The following REC114 variants were observed in gnomAD, a reference collection of about 807,000 sequenced individuals.
The protein encoded by REC114 is meiotic recombination protein REC114.
A neutral mutation model predicts 31.3 loss-of-function variants in REC114; 27 were observed. The observed-to-expected ratio is 0.86, with a 90% CI of 0.64 to 1.19. The LOEUF is 1.19. Ranked by LOEUF, REC114 falls within the 50% of genes most tolerant of loss-of-function variation. The probability of loss-of-function intolerance (pLI) is 0.00; values close to 1 mark genes in which losing one functional copy is unlikely to be tolerated. For synonymous variants in REC114, 134 were observed against 127.7 expected (o/e 1.05, Z -0.33); for missense variants, 344 against 326.9 (o/e 1.05, Z -0.40).
chr15:73,447,637 G>C (rs1330131732), intron 1 of REC114, among the ~76,000 whole-genome samples: 1 of 145,208 alleles, frequency 6.9e-6, no homozygotes, highest in Non-Finnish European at 1.5e-5. Flanking sequence ...AACAGAGTGA[G>C]ACTCTGTCTC....
At chr15:73,463,274 T>G (rs1893015448) in intron 1 of REC114, among the ~76,000 whole-genome samples, 1 of 152,208 alleles carries the variant, frequency 6.6e-6, no homozygotes, top group African/African-American at 2.4e-5. Context: ...TTTCTCAGTC[T>G]GGATTTTGCT....
chr15:73,522,079 A>T (rs1192395927), intron 2 of REC114, among the ~76,000 whole-genome samples: 1 of 150,030 alleles, frequency 6.7e-6, no homozygotes, highest in African/African-American at 2.5e-5. Context: ...TCATTTTGAT[A>T]TGAATTTTTA....
At chr15:73,534,302 AAG>A (rs899954973) in intron 2 of REC114, among the ~76,000 whole-genome samples, 5 of 152,218 alleles carry the variant, frequency 3.3e-5, no homozygotes, top group Non-Finnish European at 7.3e-5. Context: ...CTAATAAAAA[AAG>A]AGAGAAGAAT....
At chr15:73,520,767 C>G (rs1163247483) in intron 2 of REC114, among the ~76,000 whole-genome samples, 1 of 152,150 alleles carries the variant, frequency 6.6e-6, no homozygotes, top group Admixed American at 6.6e-5. Context: ...CAGTAACTAT[C>G]TTTTAAAAGA....
chr15:73,454,899 C>T (rs1874543951), intron 1 of REC114, among the ~76,000 whole-genome samples: 1 of 152,130 alleles, frequency 6.6e-6, no homozygotes, highest in Admixed American at 6.5e-5. Context: ...ATTGTTATTA[C>T]AATTTTTTTA....
chr15:73,478,249 G>A (rs1567861350), intron 2 of REC114, among the ~76,000 whole-genome samples: 2 of 123,594 alleles, frequency 1.6e-5, no homozygotes, highest in South Asian at 2.9e-4. Flanking sequence ...CAGTGACAGA[G>A]TGAGACTCTG....
At position 73,557,314 on chromosome 15, in the gene REC114, C is replaced by G. The variant is rs1182287108; in HGVS notation, c.636+923C>G. Among the ~76,000 whole-genome samples, 9 of 151,560 alleles carry G rather than the reference C, an allele frequency of 5.9e-5. No individual in the cohort carries two copies. In the East Asian group the frequency reaches 1.2e-3, roughly 20 times the overall value. On this transcript the variant is annotated intron_variant, in intron 5 of 5. Transcript: ENST00000331090. ...TGAACCCCAGACCTCAAGTGATTCC[C>G]CCACCTTGGGCTCCCAAATTGCTAG...
intron 2 of REC114, among the ~76,000 whole-genome samples, chr15:73,513,326 T>A (rs1039671980): frequency 2.0e-5 from 3 of 151,668 alleles, no homozygotes; most frequent in Non-Finnish European, 4.4e-5. Flanking sequence ...CTGTATTGGT[T>A]ATTCTAGTTA....
chr15:73,488,646 A>G (rs1249466104), intron 2 of REC114, among the ~76,000 whole-genome samples: 1 of 152,200 alleles, frequency 6.6e-6, no homozygotes, highest in African/African-American at 2.4e-5. Flanking sequence ...AGTTTCTAAT[A>G]AGATATTATT....
chr15:73,544,926 C>A (rs1301725272), intron 3 of REC114, among the ~76,000 whole-genome samples: 2 of 152,088 alleles, frequency 1.3e-5, no homozygotes, highest in African/African-American at 4.8e-5. Flanking sequence ...TTTTATGAGG[C>A]CTCTAGTGTC....
intron 2 of REC114, among the ~76,000 whole-genome samples, chr15:73,474,789 A>T (rs1893188222): frequency 6.6e-6 from 1 of 152,190 alleles, no homozygotes; most frequent in Admixed American, 6.5e-5. Context: ...TTTAAAAGAC[A>T]TTAATTCTTT....
At chr15:73,447,946 A>G (rs926573699) in intron 1 of REC114, among the ~76,000 whole-genome samples, 5 of 152,120 alleles carry the variant, frequency 3.3e-5, no homozygotes, top group Non-Finnish European at 7.4e-5. Flanking sequence ...ACTGGGAGGA[A>G]TGGTGCACAG....
At chr15:73,469,896 G>T (rs1286092981) in intron 1 of REC114, among the ~76,000 whole-genome samples, 1 of 152,104 alleles carries the variant, frequency 6.6e-6, no homozygotes, top group Non-Finnish European at 1.5e-5. Context: ...GTGTTAGCCA[G>T]GGCAAGCCTG....
chr15:73,532,064 A>AT (rs745309299), intron 2 of REC114, among the ~76,000 whole-genome samples: 1 of 149,112 alleles, frequency 6.7e-6, no homozygotes, highest in Non-Finnish European at 1.5e-5. Flanking sequence ...TACATGTGCC[A>AT]TGCTGGTGAG....
At chr15:73,546,231 G>GA (rs1359305615) in intron 3 of REC114, among the ~76,000 whole-genome samples, 4 of 151,914 alleles carry the variant, frequency 2.6e-5, no homozygotes, top group Non-Finnish European at 5.9e-5. Flanking sequence ...TTTAAAAAAA[G>GA]AATCTTCAGT....
At chr15:73,479,302 T>A (rs1458697797) in intron 2 of REC114, among the ~76,000 whole-genome samples, 1 of 149,702 alleles carries the variant, frequency 6.7e-6, no homozygotes, top group African/African-American at 2.4e-5. Context: ...TATCTATTTT[T>A]AAATAAAAAT....
At chr15:73,554,559 A>C (rs1010976675) in intron 4 of REC114, among the ~76,000 whole-genome samples, 1 of 152,216 alleles carries the variant, frequency 6.6e-6, no homozygotes, top group Non-Finnish European at 1.5e-5. Context: ...TGGCTTAACC[A>C]GGCATTTCTC....
chr15:73,482,708 A>G (rs1350488802), intron 2 of REC114, among the ~76,000 whole-genome samples: 2 of 152,186 alleles, frequency 1.3e-5, no homozygotes, highest in Non-Finnish European at 2.9e-5. Context: ...TACTATAGGT[A>G]TATACTACAT....
At chr15:73,479,265 G>A (rs1315206831) in intron 2 of REC114, among the ~76,000 whole-genome samples, 2 of 149,754 alleles carry the variant, frequency 1.3e-5, no homozygotes, top group African/African-American at 4.9e-5. Flanking sequence ...TAAGGGACTT[G>A]TTTTTTCCCT....
Sources: allele counts gnomAD v4.1 joint callset (sites outside exome capture counted in the v4.1 genomes callset), GRCh38; gene constraint gnomAD v4.1.1; transcripts MANE v1.5; gene names NCBI Gene and HGNC (gene_info 2026-07-23, HGNC 2026-07-21).